The following ABTB2 variants were observed in gnomAD, a reference collection of about 807,000 sequenced individuals.
ABTB2 encodes the protein ankyrin repeat and BTB/POZ domain-containing protein 2.
ABTB2 carries 56 observed loss-of-function variants against 104.1 expected under a neutral mutation model. The observed-to-expected ratio is 0.54, with a 90% CI of 0.43 to 0.67. The LOEUF is 0.67. Ranked by LOEUF, ABTB2 falls within the 30% of genes least tolerant of loss-of-function variation. ABTB2 has a pLI of 0.00. For missense variants in ABTB2, 1,279 were observed against 1,407.7 expected (o/e 0.91, Z 1.46); for synonymous variants, 606 against 608.2 (o/e 1.00, Z 0.05).
At chr11:34,310,074 C>T (rs557059236) in intron 1 of ABTB2, among the ~76,000 whole-genome samples, 7 of 152,148 alleles carry the variant, frequency 4.6e-5, no homozygotes, top group Non-Finnish European at 8.8e-5. Context: ...ATTGAGCAAT[C>T]GCCCTGCATC....
At chr11:34,212,017 A>G (rs898036444) in intron 1 of ABTB2, among the ~76,000 whole-genome samples, 3 of 152,082 alleles carry the variant, frequency 2.0e-5, no homozygotes, top group Non-Finnish European at 4.4e-5. Context: ...TGGGGAGAAA[A>G]TGCTGGGAGA....
rs1037221420 is a variant in ABTB2, at chr11:34,335,649, A to T, written c.883+21052T>A. ...CATCATTACCCTGAAATTCATTCAC[A>T]TATTGTGTCATCACAAACTTGTGTC... On this transcript the variant is annotated intron_variant, in intron 1 of 16. Transcript: ENST00000435224. The T allele has an allele frequency of 1.8e-5, 26 of 1,438,378 alleles. No individual in the cohort carries two copies. The African/African-American group carries it at 3.2e-4, about 18-fold the overall frequency. 89.1% of individuals were successfully genotyped at this position (1,438,378 alleles called of 1,614,324 possible).
intron 1 of ABTB2, among the ~76,000 whole-genome samples, chr11:34,236,445 C>T (rs1036739573): frequency 3.3e-5 from 5 of 152,172 alleles, no homozygotes; most frequent in Admixed American, 6.5e-5. Context: ...GTGGGTCACT[C>T]GACAGGTTTC....
chr11:34,158,419 CAAA>C (rs200863999), intron 14 of ABTB2, among the ~76,000 whole-genome samples: 1 of 151,462 alleles, frequency 6.6e-6, no homozygotes, highest in Non-Finnish European at 1.5e-5. Flanking sequence ...TCAAAAAAAA[CAAA>C]AAAAAGCCAT....
intron 1 of ABTB2, among the ~76,000 whole-genome samples, chr11:34,258,605 C>CTTTTTTTT (rs35853565): frequency 6.3e-5 from 6 of 95,164 alleles, no homozygotes; most frequent in East Asian, 5.9e-4. Context: ...AGTGCCTGCT[C>CTTTTTTTT]TTTTTTTTTT....
At position 34,167,315 on chromosome 11, in the gene ABTB2, G is replaced by T; in HGVS notation, c.1699C>A (p.Arg567=). 2 of 1,613,454 alleles carry T rather than the reference G, an allele frequency of 1.2e-6. No homozygotes were observed. The highest frequency in any genetic ancestry group is 8.5e-7 in the Non-Finnish European group (1 of 1,179,712). The part of the protein sequence containing the change: ...PRHPSIHPDS[R]HWTSLTFAVL... ...GCGAATGTCAGTGAGGTCCAGTGCCGGCTGTCGGGGTGGATGGAAGGGTGC... is the reference window on the plus strand; with the variant it reads ...GCGAATGTCAGTGAGGTCCAGTGCCTGCTGTCGGGGTGGATGGAAGGGTGC... The change falls in exon 7 of 17, where the codon CGG becomes AGG. Residue 567 remains arginine (R), a synonymous_variant. Coordinates refer to ENST00000435224, the MANE Select transcript of ABTB2 (RefSeq NM_145804.3).
intron 14 of ABTB2, among the ~76,000 whole-genome samples, chr11:34,155,160 G>A (rs1039463074): frequency 3.9e-5 from 6 of 152,224 alleles, no homozygotes; most frequent in African/African-American, 1.4e-4. Flanking sequence ...ATCATGCCTG[G>A]CCCCGTGTGG....
intron 2 of ABTB2, among the ~76,000 whole-genome samples, chr11:34,199,865 G>A (rs1853314557): frequency 6.6e-6 from 1 of 152,190 alleles, no homozygotes; most frequent in South Asian, 2.1e-4. Context: ...ACATAGCACT[G>A]TTATAATTAA....
intron 1 of ABTB2, among the ~76,000 whole-genome samples, chr11:34,331,533 T>A (rs1855130239): frequency 6.6e-6 from 1 of 152,178 alleles, no homozygotes; most frequent in African/African-American, 2.4e-5. Context: ...CTGGAGCAAT[T>A]TGGCATGCTG....
At position 34,162,799 on chromosome 11, in the gene ABTB2, G is replaced by A. The variant is rs1335776854; in HGVS notation, c.1995C>T (p.Val665=). ...GTGGCTGCGTCAGGAGCTTCCTCAG[G>A]ACGTTCCTGCAGGCCCAGGGATGAA... ...SHSAAHGHRN[V]LRKLLTQPQQ... The change falls in exon 10 of 17, where the codon GTC becomes GTT. Residue 665 remains valine (V), a synonymous_variant. Transcript: ENST00000435224. The A allele has an allele frequency of 6.2e-7, 1 of 1,602,046 alleles. No homozygotes were observed. The highest frequency in any genetic ancestry group is 2.2e-5 in the East Asian group (1 of 44,812).
chr11:34,178,232 A>G (rs116716224), intron 3 of ABTB2, among the ~76,000 whole-genome samples: 139 of 152,288 alleles, frequency 9.1e-4, no homozygotes, highest in African/African-American at 3.3e-3. Context: ...AAGGCCCCCA[A>G]ACTGATCCCT....
At chr11:34,355,444 T>C (rs1832634329) in intron 1 of ABTB2, among the ~76,000 whole-genome samples, 1 of 152,216 alleles carries the variant, frequency 6.6e-6, no homozygotes, top group African/African-American at 2.4e-5. Flanking sequence ...TTGGTTTCCT[T>C]ATCTGTAAAA....
In ABTB2 at chr11:34,289,992, A is replaced by C. The variant is rs561807450; in HGVS notation, c.883+66709T>G. On this transcript the variant is annotated intron_variant, in intron 1 of 16. Coordinates refer to ENST00000435224, the MANE Select transcript of ABTB2 (RefSeq NM_145804.3). ...CTCACTCTCCCCAGTTGTCTTCTAC[A>C]ATTTCCAATTATTTCACCTCCAACA... Among the ~76,000 whole-genome samples the C allele has an allele frequency of 2.0e-5, 3 of 152,356 alleles. No individual in the cohort carries two copies. The South Asian group carries it at 6.2e-4, about 32-fold the overall frequency.
At chr11:34,306,178 C>T (rs1854768213) in intron 1 of ABTB2, among the ~76,000 whole-genome samples, 1 of 151,212 alleles carries the variant, frequency 6.6e-6, no homozygotes, top group Admixed American at 6.6e-5. Flanking sequence ...ATTGTAGACC[C>T]AACAGGGGAG....
intron 1 of ABTB2, among the ~76,000 whole-genome samples, chr11:34,351,851 G>A (rs895132114): frequency 6.6e-6 from 1 of 152,098 alleles, no homozygotes; most frequent in Non-Finnish European, 1.5e-5. Flanking sequence ...GTCAGGTAGA[G>A]CTTTCAGTAG....
chr11:34,332,665 G>T (rs1287331850), intron 1 of ABTB2, among the ~76,000 whole-genome samples: 1 of 152,166 alleles, frequency 6.6e-6, no homozygotes, highest in Non-Finnish European at 1.5e-5. Flanking sequence ...GCCCAGGGGA[G>T]TTGGTCCAGC....
At chr11:34,313,606 G>A (rs1157936991) in intron 1 of ABTB2, among the ~76,000 whole-genome samples, 2 of 152,242 alleles carry the variant, frequency 1.3e-5, no homozygotes, top group African/African-American at 4.8e-5. Context: ...AACGCCCTGA[G>A]AGATGGAGTT....
intron 16 of ABTB2, among the ~76,000 whole-genome samples, chr11:34,153,098 C>T (rs537773087): frequency 3.3e-5 from 5 of 152,246 alleles, no homozygotes; most frequent in African/African-American, 4.8e-5. Flanking sequence ...GTAAAGCCAA[C>T]GTGACAGGAT....
At chr11:34,235,014 C>T (rs1194774622) in intron 1 of ABTB2, among the ~76,000 whole-genome samples, 5 of 152,252 alleles carry the variant, frequency 3.3e-5, no homozygotes, top group Admixed American at 1.3e-4. Flanking sequence ...CCCGCCACGG[C>T]GCCTGGCTAA....
Sources: allele counts gnomAD v4.1 joint callset (sites outside exome capture counted in the v4.1 genomes callset), GRCh38; gene constraint gnomAD v4.1.1; transcripts MANE v1.5; gene names NCBI Gene and HGNC (gene_info 2026-07-23, HGNC 2026-07-21).